MS4A13: variants seen among roughly 807,000 people sequenced by gnomAD.
MS4A13 encodes membrane-spanning 4-domains subfamily A member 13.
A neutral mutation model predicts 18.4 loss-of-function variants in MS4A13; 21 were observed. That is an observed-to-expected ratio of 1.14 (90% CI 0.81 to 1.64). The LOEUF (loss-of-function observed/expected upper bound fraction) is 1.64, where lower values mean the gene tolerates loss of function less well. Among genes scored for constraint, MS4A13 ranks in the 40% most tolerant of loss-of-function variants. The pLI, the probability that MS4A13 is intolerant of heterozygous loss-of-function variation, is 0.00. For missense variants in MS4A13, 173 were observed against 176.8 expected, an observed-to-expected ratio of 0.98 and a Z score of 0.12; for synonymous variants, 62 against 57.2, an observed-to-expected ratio of 1.08 and a Z score of -0.38.
intron 5 of MS4A13, among the ~76,000 whole-genome samples, chr11:60,528,841 A>G (rs1211482722): frequency 3.9e-5 from 6 of 152,260 alleles, no homozygotes; most frequent in African/African-American, 1.4e-4. Flanking sequence ...TATGCTTCCA[A>G]GTTAAATGTT....
At chr11:60,519,078 A>G (rs2086656891) in intron 3 of MS4A13, among the ~76,000 whole-genome samples, 1 of 152,238 alleles carries the variant, frequency 6.6e-6, no homozygotes, top group Non-Finnish European at 1.5e-5. Context: ...GGGATCAAGT[A>G]TTTGTGTAGG....
In MS4A13 at chr11:60,529,350, G is replaced by A; in HGVS notation, c.307-15G>A. 2 of 1,439,896 alleles carry A rather than the reference G, an allele frequency of 1.4e-6. No individual in the cohort carries two copies. The highest frequency in any genetic ancestry group is 2.7e-5 in the East Asian group (1 of 36,470). The allele number at this position is 1,439,896 out of a possible 1,614,324, so 89.2% of individuals were successfully genotyped here. A position where few individuals can be genotyped will look rare whatever the true frequency, so the allele number is the denominator to read the frequency against. On this transcript the variant is annotated splice_polypyrimidine_tract_variant and intron_variant, in intron 5 of 6. Transcript: ENST00000378186. ...GATAATAGCATTAAGATTTCTCCCT[G>A]TTTTTTGGTTATAGAAACTTGGGAG...
At chr11:60,531,087 G>A (rs1330092440) in intron 6 of MS4A13, among the ~76,000 whole-genome samples, 5 of 152,226 alleles carry the variant, frequency 3.3e-5, no homozygotes, top group East Asian at 3.9e-4. Flanking sequence ...CTCAGATTCC[G>A]TTACGCAGAA....
intron 5 of MS4A13, among the ~76,000 whole-genome samples, chr11:60,527,410 C>CTCTCTCTCTGTGTG (rs1555024373): frequency 3.5e-5 from 1 of 28,788 alleles, no homozygotes; most frequent in African/African-American, 1.6e-4. Context: ...CTCTCTCTCT[C>CTCTCTCTCTGTGTG]TGTGTGTGTG....
At chr11:60,517,120 G>A (rs1397146918) in intron 2 of MS4A13, among the ~76,000 whole-genome samples, 2 of 151,828 alleles carry the variant, frequency 1.3e-5, no homozygotes, top group Non-Finnish European at 2.9e-5. Context: ...TTTGATGCAA[G>A]GGGAAACGTT....
intron 6 of MS4A13, among the ~76,000 whole-genome samples, chr11:60,539,515 A>G (rs2086839292): frequency 6.6e-6 from 1 of 152,216 alleles, no homozygotes; most frequent in East Asian, 1.9e-4. Flanking sequence ...GTATAATGGG[A>G]GTCCCATAAA....
At chr11:60,530,007 C>A (rs1315903335) in intron 6 of MS4A13, among the ~76,000 whole-genome samples, 2 of 152,192 alleles carry the variant, frequency 1.3e-5, no homozygotes, top group Non-Finnish European at 2.9e-5. Context: ...ACCACTAATT[C>A]TTTAGGTGTT....
At chr11:60,527,410 C>CTCTCTGTGTGTGTGTG (rs1555024373) in intron 5 of MS4A13, among the ~76,000 whole-genome samples, 15 of 28,804 alleles carry the variant, frequency 5.2e-4, no homozygotes, top group East Asian at 1.5e-3. Flanking sequence ...CTCTCTCTCT[C>CTCTCTGTGTGTGTGTG]TGTGTGTGTG....
chr11:60,530,647 C>T lies in MS4A13; in HGVS notation c.402+1187C>T, dbSNP rs536232992. On this transcript the variant is annotated intron_variant, in intron 6 of 6. Coordinates refer to ENST00000378186, the MANE Select transcript of MS4A13 (RefSeq NM_001012417.3). ...CTACTGGACCTCAGTAAGAACAGTGCATGTCTGTGGCATGTTAGCTTGGGA... is the reference window on the plus strand; with the variant it reads ...CTACTGGACCTCAGTAAGAACAGTGTATGTCTGTGGCATGTTAGCTTGGGA... Among the ~76,000 whole-genome samples the T allele has an allele frequency of 3.9e-5, 6 of 152,330 alleles. No homozygotes were observed. In the South Asian group the frequency reaches 1.0e-3, roughly 26 times the overall value.
intron 5 of MS4A13, among the ~76,000 whole-genome samples, chr11:60,526,825 A>G (rs1286712581): frequency 6.6e-6 from 1 of 152,214 alleles, no homozygotes; most frequent in Non-Finnish European, 1.5e-5. Context: ...CAAAATGGTT[A>G]ATAGTATAGA....
intron 6 of MS4A13, among the ~76,000 whole-genome samples, chr11:60,532,419 C>G (rs982160658): frequency 6.6e-6 from 1 of 152,192 alleles, no homozygotes; most frequent in Non-Finnish European, 1.5e-5. Flanking sequence ...ACGGACGCAC[C>G]TGGAAAATCG....
intron 5 of MS4A13, among the ~76,000 whole-genome samples, chr11:60,528,874 T>C (rs184758488): frequency 6.4e-4 from 98 of 152,382 alleles, no homozygotes; most frequent in Non-Finnish European, 1.2e-3. Flanking sequence ...TTTGAATGTA[T>C]TAATCATTTT....
At chr11:60,519,161 A>G (rs1292158589) in intron 3 of MS4A13, among the ~76,000 whole-genome samples, 1 of 151,302 alleles carries the variant, frequency 6.6e-6, no homozygotes, top group Non-Finnish European at 1.5e-5. Context: ...GTTCTCAGCT[A>G]GAGGCAATTT....
chr11:60,521,816 T>C (rs2086675782), intron 3 of MS4A13, among the ~76,000 whole-genome samples: 1 of 152,206 alleles, frequency 6.6e-6, no homozygotes, highest in South Asian at 2.1e-4. Context: ...GGTGCCAATT[T>C]ATTGTAATAG....
At chr11:60,517,656 T>G (rs1262676628) in intron 2 of MS4A13, among the ~76,000 whole-genome samples, 1 of 152,210 alleles carries the variant, frequency 6.6e-6, no homozygotes, top group Non-Finnish European at 1.5e-5. Context: ...GTGATTCATC[T>G]TTAATAAATT....
At chr11:60,518,886 T>C (rs2086655616) in intron 3 of MS4A13, among the ~76,000 whole-genome samples, 1 of 152,170 alleles carries the variant, frequency 6.6e-6, no homozygotes, top group African/African-American at 2.4e-5. Context: ...AACAGGAGCT[T>C]CTTTAAGGAC....
chr11:60,535,129 C>A (rs544683272), intron 6 of MS4A13, among the ~76,000 whole-genome samples: 953 of 33,002 alleles, frequency 0.029, 70 homozygotes, highest in African/African-American at 0.11. Context: ...AAAGCAAGAG[C>A]AAACACATTC....
intron 6 of MS4A13, among the ~76,000 whole-genome samples, chr11:60,539,195 A>AG: frequency 6.6e-6 from 1 of 152,050 alleles, no homozygotes; most frequent in African/African-American, 2.4e-5. Flanking sequence ...GTTTCAAAAA[A>AG]AAAAAAAAAA....
chr11:60,518,229 T>C lies in MS4A13; in HGVS notation c.129+17T>C. The C allele has an allele frequency of 1.3e-6, 2 of 1,580,034 alleles. No individual in the cohort carries two copies. The highest frequency in any genetic ancestry group is 2.3e-5 in the East Asian group (1 of 44,234). On this transcript the variant is annotated intron_variant, in intron 3 of 6. Coordinates refer to ENST00000378186, the MANE Select transcript of MS4A13 (RefSeq NM_001012417.3). ...GGAATTTTTGTGAGTAGAATACATA[T>C]ATATTGCTTTAATCATACAATAAAT...
Sources: gnomAD v4.1 joint callset for allele counts (sites outside exome capture counted in the v4.1 genomes callset) on GRCh38, gnomAD v4.1.1 for gene constraint, MANE v1.5 for transcripts, NCBI Gene and HGNC (gene_info 2026-07-23, HGNC 2026-07-21) for gene names.